Variants in TANC1 observed in about 807,000 individuals in gnomAD.
The protein encoded by TANC1 is tetratricopeptide repeat, ankyrin repeat and coiled-coil containing 1, also known as protein TANC1.
In TANC1, 77 loss-of-function variants were observed where a neutral mutation model predicts 149.7. That is an observed-to-expected ratio of 0.51 (90% CI 0.43 to 0.62). The LOEUF (loss-of-function observed/expected upper bound fraction) is 0.62. TANC1 is among the 20% of genes least tolerant of loss of function. The pLI is 0.00. For missense variants in TANC1, 1,985 were observed against 2,321.8 expected (o/e 0.85, Z 2.98); for synonymous variants, 854 against 925.0 (o/e 0.92, Z 1.39).
chr2:158,987,213 C>CAAA lies in TANC1; in HGVS notation c.-125-13850_-125-13848dup, dbSNP rs34300029. Reference sequence around the variant, plus strand: ...TGGGTGACAGAGCAAGACTCATCTCCAAAAAAAAAAAAAAAAAAAGAGTCA... The same window carrying CAAA: ...TGGGTGACAGAGCAAGACTCATCTCCAAAAAAAAAAAAAAAAAAAAAAGAGTCA... On this transcript the variant is annotated intron_variant, in intron 1 of 26. Coordinates refer to ENST00000263635, the MANE Select transcript of TANC1 (RefSeq NM_033394.3). 3.7e-3 allele frequency among the ~76,000 whole-genome samples: 283 copies of CAAA among 76,008 alleles called. 10 individuals carry two copies. In the East Asian group the frequency reaches 0.068, roughly 18 times the overall value. The allele number at this position is 76,008 out of a possible 152,430, so 49.9% of individuals were successfully genotyped here. A position where few individuals can be genotyped will look rare whatever the true frequency, so the allele number is the denominator to read the frequency against.
At position 159,097,905 on chromosome 2, in the gene TANC1, G is replaced by A. The variant is rs1574643517; in HGVS notation, c.259+71G>A. On this transcript the variant is annotated intron_variant, in intron 4 of 26. Transcript: ENST00000263635. The stretch of plus-strand genomic sequence containing the variant: ...TGCATTGAAAATAAGCAAAACTAGT[G>A]CCCATGAGAAATCTTCTGGGACAAT... The A allele has an allele frequency of 6.0e-6, 8 of 1,326,446 alleles. No individual in the cohort carries two copies. In the East Asian group the frequency reaches 1.9e-4, roughly 31 times the overall value. 82.2% of individuals were successfully genotyped at this position (1,326,446 alleles called of 1,614,324 possible).
chr2:159,165,361 T>C (rs139787313), intron 8 of TANC1, among the ~76,000 whole-genome samples: 204 of 152,364 alleles, frequency 1.3e-3, no homozygotes, highest in Middle Eastern at 3.4e-3. Flanking sequence ...GGGTTTCACC[T>C]CTAGATTTGA....
At chr2:159,009,231 T>A (rs571478832) in intron 2 of TANC1, among the ~76,000 whole-genome samples, 1 of 152,176 alleles carries the variant, frequency 6.6e-6, no homozygotes, top group African/African-American at 2.4e-5. Flanking sequence ...AAAACACAGC[T>A]ACCATATGGT....
At chr2:159,223,778 A>G (rs1248312580) in intron 22 of TANC1, among the ~76,000 whole-genome samples, 1 of 152,212 alleles carries the variant, frequency 6.6e-6, no homozygotes, top group East Asian at 1.9e-4. Flanking sequence ...TCCGGTCCCA[A>G]GCTGCCAATC....
chr2:158,972,982 C>T (rs879691290), intron 1 of TANC1, among the ~76,000 whole-genome samples: 13 of 152,116 alleles, frequency 8.5e-5, no homozygotes, highest in Admixed American at 2.6e-4. Context: ...GAAAGGAGTT[C>T]TCCTGGTTTG....
intron 4 of TANC1, 47 bp from the exon 5 acceptor site, chr2:159,136,146 GT>G: frequency 8.8e-7 from 1 of 1,141,508 alleles, no homozygotes; most frequent in South Asian, 1.2e-5. Flanking sequence ...CCAAGGCTTT[GT>G]TTGCATCTGG....
chr2:159,187,048 G>A (rs1186249977), intron 16 of TANC1, 24 bp downstream of exon 16: 2 of 1,612,970 alleles, frequency 1.2e-6, no homozygotes, highest in Non-Finnish European at 1.7e-6. Flanking sequence ...TGCACAGAGA[G>A]CCGGAGACCC....
intron 4 of TANC1, among the ~76,000 whole-genome samples, chr2:159,102,644 A>G (rs1470527062): frequency 9.2e-6 from 1 of 108,610 alleles, no homozygotes; most frequent in Non-Finnish European, 1.9e-5. Flanking sequence ...GAAGAGTTTG[A>G]TATTTGTTGT....
intron 3 of TANC1, among the ~76,000 whole-genome samples, chr2:159,092,980 C>T (rs2045706849): frequency 6.6e-6 from 1 of 152,164 alleles, no homozygotes. Context: ...TCAGGGTTAC[C>T]TTCCAGGCCC....
intron 3 of TANC1, among the ~76,000 whole-genome samples, chr2:159,088,904 G>A (rs751555215): frequency 4.6e-5 from 7 of 152,122 alleles, no homozygotes; most frequent in Admixed American, 1.3e-4. Flanking sequence ...GTTCTCAGTC[G>A]TCTTTGAGTG....
At position 159,001,460 on chromosome 2, in the gene TANC1, G is replaced by A. The variant is rs143174646; in HGVS notation, c.-16+271G>A. Among the ~76,000 whole-genome samples, 60 of 152,280 alleles carry A rather than the reference G, an allele frequency of 3.9e-4. 1 individual carries two copies. The Middle Eastern group carries it at 0.014, about 35-fold the overall frequency. On this transcript the variant is annotated intron_variant, in intron 2 of 26. Coordinates refer to ENST00000263635, the MANE Select transcript of TANC1 (RefSeq NM_033394.3). This position sits in a 1 kb window ranked among gnomAD's most constrained non-coding sequence, Gnocchi z 4.3. ...GTGGATGGTGCTGATGGTTGCAGAA[G>A]GACGTGCTTAGTGCTACTGAACTAT...
At chr2:158,969,828 C>G (rs1256037448) in intron 1 of TANC1, among the ~76,000 whole-genome samples, 1 of 152,210 alleles carries the variant, frequency 6.6e-6, no homozygotes, top group Non-Finnish European at 1.5e-5. Flanking sequence ...GGCCTTCTCC[C>G]AGCCCCCTCC....
intron 2 of TANC1, among the ~76,000 whole-genome samples, chr2:159,029,815 C>T (rs2039641106): frequency 6.6e-6 from 1 of 152,134 alleles, no homozygotes; most frequent in African/African-American, 2.4e-5. Flanking sequence ...CCTGCCTCAG[C>T]TTCCCAAGTA....
At chr2:159,068,882 G>A (rs1225858197) in intron 3 of TANC1, among the ~76,000 whole-genome samples, 3 of 152,122 alleles carry the variant, frequency 2.0e-5, no homozygotes, top group Admixed American at 6.5e-5. Context: ...TGGGATTATA[G>A]GCCCGTGCCA....
intron 3 of TANC1, among the ~76,000 whole-genome samples, chr2:159,082,074 A>T (rs923465209): frequency 3.3e-4 from 50 of 152,166 alleles, no homozygotes; most frequent in African/African-American, 1.1e-3. Context: ...GCTCTGCCCC[A>T]TCTGGGGGTG....
At chr2:158,982,547 C>A (rs2034499224) in intron 1 of TANC1, among the ~76,000 whole-genome samples, 1 of 152,238 alleles carries the variant, frequency 6.6e-6, no homozygotes, top group African/African-American at 2.4e-5. Context: ...GCTATCAAAA[C>A]CAGATCATCT....
chr2:159,195,588 A>C (rs1422155937), intron 17 of TANC1, among the ~76,000 whole-genome samples: 1 of 152,260 alleles, frequency 6.6e-6, no homozygotes, highest in Admixed American at 6.5e-5. Context: ...CAAAAAAATT[A>C]GGCTTATAAC....
intron 2 of TANC1, among the ~76,000 whole-genome samples, chr2:159,037,034 T>G (rs9679352): frequency 1.7e-4 from 26 of 152,330 alleles, no homozygotes; most frequent in African/African-American, 5.8e-4. Flanking sequence ...GTTTCCTGAC[T>G]TTTTAATGAT....
chr2:159,212,392 G>A (rs1192647397), intron 19 of TANC1, among the ~76,000 whole-genome samples: 1 of 152,198 alleles, frequency 6.6e-6, no homozygotes, highest in African/African-American at 2.4e-5. Flanking sequence ...ATCTTCTAGC[G>A]TAAGAATCAT....
Sources: allele counts gnomAD v4.1 joint callset (sites outside exome capture counted in the v4.1 genomes callset), GRCh38; gene constraint gnomAD v4.1.1; non-coding constraint Gnocchi (gnomAD v3.1); transcripts MANE v1.5; gene names NCBI Gene and HGNC (gene_info 2026-07-23, HGNC 2026-07-21).